Variants in WSCD2 observed in about 807,000 individuals in gnomAD.
The protein encoded by WSCD2 is WSC domain sialate O sulfotransferase 2.
Under a neutral mutation model 55.7 loss-of-function variants are expected in WSCD2, and 28 were observed. The observed-to-expected ratio is 0.50, with a 90% CI of 0.37 to 0.69. WSCD2 has a LOEUF of 0.69. Ranked by LOEUF, WSCD2 falls within the 30% of genes least tolerant of loss-of-function variation. WSCD2 has a pLI of 0.00. For missense variants in WSCD2, 616 were observed against 762.1 expected (o/e 0.81, Z 2.26); for synonymous variants, 301 against 301.9 (o/e 1.00, Z 0.03).
At chr12:108,232,433 T>C (rs1263784616) in intron 6 of WSCD2, among the ~76,000 whole-genome samples, 1 of 152,108 alleles carries the variant, frequency 6.6e-6, no homozygotes, top group African/African-American at 2.4e-5. Flanking sequence ...GGAGAGAAGA[T>C]TCACCCTCCT....
At chr12:108,206,128 C>T (rs1371645238) in intron 2 of WSCD2, among the ~76,000 whole-genome samples, 161 bp from the exon 3 acceptor site, 1 of 152,138 alleles carries the variant, frequency 6.6e-6, no homozygotes, top group Non-Finnish European at 1.5e-5. Context: ...CCAGGTTCTG[C>T]CAAGACAAAT....
At chr12:108,173,129 T>C (rs994047395) in intron 1 of WSCD2, among the ~76,000 whole-genome samples, 13 of 152,140 alleles carry the variant, frequency 8.5e-5, no homozygotes, top group Non-Finnish European at 1.5e-5. Context: ...ATGTGTGTTG[T>C]TTAAGCCCTC....
In WSCD2 at chr12:108,216,553, G is replaced by A. The variant is rs185948788; in HGVS notation, c.682+6248G>A. On this transcript the variant is annotated intron_variant, in intron 4 of 8. Coordinates refer to ENST00000547525, the MANE Select transcript of WSCD2 (RefSeq NM_014653.4). Reference sequence around the variant, plus strand: ...TGCTCAAAGATCCAAGGTGTTTTAAGTTGGGTTCCCCCAATACAGGGATGT... The same window carrying A: ...TGCTCAAAGATCCAAGGTGTTTTAAATTGGGTTCCCCCAATACAGGGATGT... Among the ~76,000 whole-genome samples, 76 of 152,356 alleles carry A rather than the reference G, an allele frequency of 5.0e-4. 1 individual carries two copies. Among genetic ancestry groups the A allele is most frequent in the Non-Finnish European group, 6.3e-4 (43 of 68,034 alleles).
chr12:108,193,541 G>A (rs1883465205), intron 1 of WSCD2, among the ~76,000 whole-genome samples: 1 of 152,156 alleles, frequency 6.6e-6, no homozygotes, highest in Non-Finnish European at 1.5e-5. Flanking sequence ...ATAGATTAAT[G>A]GTAGGTGGAT....
intron 1 of WSCD2, among the ~76,000 whole-genome samples, chr12:108,175,933 G>A (rs1403759886): frequency 3.9e-5 from 6 of 151,990 alleles, no homozygotes; most frequent in African/African-American, 1.5e-4. Flanking sequence ...TCCGCCTCCT[G>A]GGTTCATGCC....
intron 1 of WSCD2, among the ~76,000 whole-genome samples, chr12:108,168,468 T>G (rs1879896224): frequency 6.6e-6 from 1 of 152,196 alleles, no homozygotes; most frequent in Non-Finnish European, 1.5e-5. Flanking sequence ...ATCCCAAGAC[T>G]GGGTGGGATG....
intron 4 of WSCD2, among the ~76,000 whole-genome samples, chr12:108,219,363 C>A (rs1028164875): frequency 2.0e-5 from 3 of 152,182 alleles, no homozygotes; most frequent in Non-Finnish European, 4.4e-5. Flanking sequence ...CATCCACATG[C>A]CCAGACAGGT....
rs926111372 is a variant in WSCD2, at chr12:108,231,007, C to A, written c.980-1724C>A. 2.6e-5 allele frequency among the ~76,000 whole-genome samples: 4 copies of A among 152,118 alleles called. No homozygotes were observed. In the East Asian group the frequency reaches 7.7e-4, roughly 29 times the overall value. On this transcript the variant is annotated intron_variant, in intron 6 of 8. Transcript: ENST00000547525. ...TTCTAAACGAGGGAGCTATTTGTTC[C>A]TGTTTGAGTGCTAATGTGATTGAGC...
At chr12:108,158,036 A>G (rs1329209578) in intron 1 of WSCD2, among the ~76,000 whole-genome samples, 1 of 152,118 alleles carries the variant, frequency 6.6e-6, no homozygotes, top group Non-Finnish European at 1.5e-5. Context: ...GTCAGCCAAC[A>G]TCCTACACTC....
At position 108,248,590 on chromosome 12, in the gene WSCD2, T is replaced by C. The variant is rs1470096059; in HGVS notation, c.*247T>C. 2 of 1,296,610 alleles carry C rather than the reference T, an allele frequency of 1.5e-6. No homozygotes were observed. Among genetic ancestry groups the C allele is most frequent in the Non-Finnish European group, 2.0e-6 (2 of 1,018,348 alleles). The allele number at this position is 1,296,610 out of a possible 1,614,324, so 80.3% of individuals were successfully genotyped here. ...GTGGGGCATCTTGTTTAGGGGGTTC[T>C]AGTTACATGGACTCTTTTCTGTCTC... On this transcript the variant is annotated 3_prime_UTR_variant, in exon 9 of 9. Coordinates refer to ENST00000547525, the MANE Select transcript of WSCD2 (RefSeq NM_014653.4). This position sits in a 1 kb window ranked among gnomAD's most constrained non-coding sequence, Gnocchi z 4.3.
chr12:108,226,244 G>A (rs11113778), intron 5 of WSCD2, among the ~76,000 whole-genome samples: 32,755 of 151,954 alleles, frequency 0.22, 3,717 homozygotes, highest in African/African-American at 0.29. Context: ...AAGCAAATTG[G>A]GCAAAAGACA....
At chr12:108,233,846 T>G (rs1177245163) in intron 7 of WSCD2, among the ~76,000 whole-genome samples, 1 of 152,238 alleles carries the variant, frequency 6.6e-6, no homozygotes, top group Non-Finnish European at 1.5e-5. Flanking sequence ...AAGCAAGGCC[T>G]CCTCCTGTGG....
chr12:108,181,415 G>C (rs773207747), intron 1 of WSCD2, among the ~76,000 whole-genome samples: 1 of 152,092 alleles, frequency 6.6e-6, no homozygotes, highest in African/African-American at 2.4e-5. Flanking sequence ...ATACAAGACC[G>C]CCCCAGTTCT....
chr12:108,220,447 A>G (rs1247994563), intron 4 of WSCD2, among the ~76,000 whole-genome samples: 2 of 152,224 alleles, frequency 1.3e-5, no homozygotes, highest in African/African-American at 2.4e-5. Flanking sequence ...GGAGAGTTCA[A>G]TGAGACCACA....
intron 8 of WSCD2, among the ~76,000 whole-genome samples, chr12:108,246,640 C>A (rs1226410615): frequency 6.6e-6 from 1 of 152,212 alleles, no homozygotes; most frequent in African/African-American, 2.4e-5. Flanking sequence ...GTCAGACAGT[C>A]CCAAATTCAC....
At chr12:108,241,185 G>A (rs978635221) in intron 8 of WSCD2, among the ~76,000 whole-genome samples, 4 of 152,292 alleles carry the variant, frequency 2.6e-5, no homozygotes, top group African/African-American at 9.6e-5. Context: ...GCATCACACA[G>A]CTGGGAAATG....
chr12:108,171,533 T>C (rs936965774), intron 1 of WSCD2: 4 of 152,266 alleles, frequency 2.6e-5, no homozygotes, highest in African/African-American at 9.6e-5. Context: ...TTCACACTTA[T>C]GTTGAAATGA....
intron 4 of WSCD2, among the ~76,000 whole-genome samples, chr12:108,211,096 T>G (rs902276731): frequency 6.6e-6 from 1 of 152,256 alleles, no homozygotes; most frequent in African/African-American, 2.4e-5. Flanking sequence ...AGACCTGATT[T>G]CATTTACCTT....
At chr12:108,193,973 G>A (rs1057260239) in intron 1 of WSCD2, among the ~76,000 whole-genome samples, 17 of 152,200 alleles carry the variant, frequency 1.1e-4, no homozygotes, top group Non-Finnish European at 2.2e-4. Context: ...GTTACAATTT[G>A]TATCTTCCAT....
Sources: gnomAD v4.1 joint callset for allele counts (sites outside exome capture counted in the v4.1 genomes callset) on GRCh38, gnomAD v4.1.1 for gene constraint, Gnocchi (gnomAD v3.1) non-coding constraint, MANE v1.5 for transcripts, NCBI Gene and HGNC (gene_info 2026-07-23, HGNC 2026-07-21) for gene names.